Variants in RARB observed in about 807,000 individuals in gnomAD.
RARB encodes the protein HBV-activated protein.
RARB carries 17 observed loss-of-function variants against 51.9 expected under a neutral mutation model. The ratio of observed to expected loss-of-function variants is 0.33; its 90% CI spans 0.22 to 0.49. The LOEUF (loss-of-function observed/expected upper bound fraction) is 0.49. Ranked by LOEUF, RARB falls within the 20% of genes least tolerant of loss-of-function variation. The pLI is 0.99. For missense variants in RARB, 369 were observed against 550.8 expected (o/e 0.67, Z 3.30); for synonymous variants, 215 against 195.4 (o/e 1.10, Z -0.84).
At chr3:24,935,766 C>T (rs764757462) in intron 2 of RARB, among the ~76,000 whole-genome samples, 16 of 152,066 alleles carry the variant, frequency 1.1e-4, no homozygotes, top group Non-Finnish European at 1.9e-4. Context: ...TTTTCACTTG[C>T]TCATGTGATT....
intron 2 of RARB, among the ~76,000 whole-genome samples, chr3:25,007,603 AAC>A (rs1491500377): frequency 0.011 from 1,532 of 145,860 alleles, 278 homozygotes; most frequent in African/African-American, 0.031. Flanking sequence ...AAAAAAAAAA[AAC>A]AAAAAAACCT....
intron 5 of RARB, among the ~76,000 whole-genome samples, chr3:25,222,916 C>T (rs927926757): frequency 6.6e-6 from 1 of 152,044 alleles, no homozygotes; most frequent in African/African-American, 2.4e-5. Flanking sequence ...AAAAAGAGTT[C>T]GAAAACTTAC....
intron 4 of RARB, among the ~76,000 whole-genome samples, chr3:25,578,409 G>A (rs947984627): frequency 1.7e-4 from 26 of 152,182 alleles, no homozygotes; most frequent in Admixed American, 9.2e-4. Context: ...CAGCCCTGGC[G>A]CGTGATAAAG....
At chr3:25,207,709 T>A (rs1355143638) in intron 5 of RARB, among the ~76,000 whole-genome samples, 1 of 152,142 alleles carries the variant, frequency 6.6e-6, no homozygotes, top group African/African-American at 2.4e-5. Context: ...ATACCCCAAG[T>A]AGTTAGAGCA....
At chr3:25,018,844 G>A (rs1697569330) in intron 2 of RARB, among the ~76,000 whole-genome samples, 1 of 152,164 alleles carries the variant, frequency 6.6e-6, no homozygotes. Context: ...CTTTCTGGGT[G>A]ATGGATAAGA....
At chr3:25,499,764 G>A (rs907159187) in intron 2 of RARB, among the ~76,000 whole-genome samples, 2 of 152,200 alleles carry the variant, frequency 1.3e-5, no homozygotes, top group African/African-American at 4.8e-5. Context: ...TATTCAGGTA[G>A]ATAGAAAACG....
chr3:25,331,047 G>C (rs189055423), intron 5 of RARB, among the ~76,000 whole-genome samples: 23 of 152,260 alleles, frequency 1.5e-4, no homozygotes, highest in African/African-American at 5.3e-4. Flanking sequence ...GACCTACAAA[G>C]AGACTTAGAC....
intron 5 of RARB, among the ~76,000 whole-genome samples, chr3:25,282,936 G>A (rs1368184323): frequency 6.6e-6 from 1 of 152,184 alleles, no homozygotes; most frequent in Non-Finnish European, 1.5e-5. Flanking sequence ...CAAATAGAAG[G>A]GGAGGGTAAA....
intron 2 of RARB, among the ~76,000 whole-genome samples, chr3:24,893,607 T>C (rs1274324073): frequency 1.3e-5 from 2 of 152,148 alleles, no homozygotes; most frequent in Non-Finnish European, 2.9e-5. Context: ...AACCTCATAC[T>C]CCAGGGCACA....
chr3:25,488,474 A>G (rs1696573065), intron 2 of RARB, among the ~76,000 whole-genome samples: 1 of 152,186 alleles, frequency 6.6e-6, no homozygotes, highest in South Asian at 2.1e-4. Flanking sequence ...GAGAAGGGTA[A>G]ATGACGTTCC....
chr3:25,225,247 A>G (rs1702030809), intron 5 of RARB, among the ~76,000 whole-genome samples: 1 of 152,200 alleles, frequency 6.6e-6, no homozygotes, highest in African/African-American at 2.4e-5. Context: ...AAAGGATTTC[A>G]ATGTGGAAAG....
At chr3:25,279,596 A>C (rs1053300358) in intron 5 of RARB, among the ~76,000 whole-genome samples, 12 of 152,070 alleles carry the variant, frequency 7.9e-5, no homozygotes, top group African/African-American at 2.9e-4. Flanking sequence ...AAAAAAAGTT[A>C]AATGTTTTTC....
chr3:25,562,379 AT>A (rs1190542636), intron 3 of RARB, among the ~76,000 whole-genome samples: 1 of 152,176 alleles, frequency 6.6e-6, no homozygotes, highest in African/African-American at 2.4e-5. Flanking sequence ...GTTTTATGCC[AT>A]AAATAAAAGG....
intron 1 of RARB, among the ~76,000 whole-genome samples, chr3:25,446,978 G>A (rs529195138): frequency 1.3e-4 from 20 of 151,210 alleles, no homozygotes; most frequent in African/African-American, 3.7e-4. Context: ...ACTTCTCTAA[G>A]CTTCAGTTTC....
intron 2 of RARB, among the ~76,000 whole-genome samples, chr3:24,870,737 T>C (rs146628027): frequency 1.4e-4 from 21 of 152,248 alleles, no homozygotes; most frequent in African/African-American, 5.1e-4. Context: ...TTAAGAACTC[T>C]AGTACACTTA....
At chr3:25,168,155 GAGAA>G (rs1700588680) in intron 4 of RARB, among the ~76,000 whole-genome samples, 1 of 152,118 alleles carries the variant, frequency 6.6e-6, no homozygotes. Flanking sequence ...AAAAAGTAAA[GAGAA>G]AGAGTCTATA....
At chr3:25,174,620 A>T (rs767281823) in intron 5 of RARB, 129 of 1,339,554 alleles carry the variant, frequency 9.6e-5, no homozygotes, top group Non-Finnish European at 1.2e-4. Context: ...GGTTGATTGG[A>T]TGAAGGGACC....
chr3:25,105,224 A>G (rs901905522), intron 3 of RARB, among the ~76,000 whole-genome samples: 9 of 151,430 alleles, frequency 5.9e-5, no homozygotes, highest in Non-Finnish European at 1.0e-4. Flanking sequence ...CCCACAGAGC[A>G]TCTACACACC....
chr3:24,873,526 T>G (rs956576783), intron 2 of RARB, among the ~76,000 whole-genome samples: 2 of 152,044 alleles, frequency 1.3e-5, no homozygotes, highest in Admixed American at 1.3e-4. Flanking sequence ...TTTTTTAGTC[T>G]TCTCAGGGGA....
Sources: allele counts gnomAD v4.1 joint callset (sites outside exome capture counted in the v4.1 genomes callset), GRCh38; gene constraint gnomAD v4.1.1; transcripts MANE v1.5; gene names NCBI Gene and HGNC (gene_info 2026-07-23, HGNC 2026-07-21).